OR3A2: variants seen among roughly 807,000 people sequenced by gnomAD.
The protein encoded by OR3A2 is olfactory receptor 3A2.
For synonymous variants in OR3A2, 126 were observed against 159.3 expected, an observed-to-expected ratio of 0.79 and a Z score of 1.57; for missense variants, 318 against 392.8, an observed-to-expected ratio of 0.81 and a Z score of 1.61.
chr17:3,306,679 C>CAAAAA (rs71153340), intron 3 of OR3A2, among the ~76,000 whole-genome samples: 1 of 109,304 alleles, frequency 9.1e-6, no homozygotes, highest in African/African-American at 4.2e-5. Context: ...TACTACTCTT[C>CAAAAA]AAAAAAAAAA....
chr17:3,326,713 T>C (rs479243), intron 3 of OR3A2, among the ~76,000 whole-genome samples: 64,207 of 95,874 alleles, frequency 0.67, 21,077 homozygotes, highest in East Asian at 1. Context: ...CTCCCCCCAC[T>C]CCACCACAGT....
In OR3A2 at chr17:3,302,122, T is replaced by A. The variant is rs1375978661; in HGVS notation, c.-84-22969A>T. 2.0e-5 allele frequency among the ~76,000 whole-genome samples: 3 copies of A among 152,176 alleles called. No homozygotes were observed. In the East Asian group the frequency reaches 5.8e-4, roughly 29 times the overall value. Reference sequence around the variant, plus strand: ...TACAAACAAATGGAAGAACATTCCATGCTCATGGATAGGAAGAATCAATAG... The same window carrying A: ...TACAAACAAATGGAAGAACATTCCAAGCTCATGGATAGGAAGAATCAATAG... On this transcript the variant is annotated intron_variant, in intron 3 of 4. Transcript: ENST00000573491.
At chr17:3,287,653 G>A (rs75435868), upstream of OR3A2, among the ~76,000 whole-genome samples, 247 of 152,114 alleles carry the variant, frequency 1.6e-3, 5 homozygotes, top group East Asian at 0.044. Context: ...TGGACATTAC[G>A]AATATTCAGT....
chr17:3,355,419 T>A (rs2049458003), intron 2 of OR3A2, among the ~76,000 whole-genome samples: 1 of 129,764 alleles, frequency 7.7e-6, no homozygotes, highest in Non-Finnish European at 1.6e-5. Context: ...ACTATTATCA[T>A]GTTGGCATTT....
chr17:3,285,003 G>A (rs529392919), upstream of OR3A2, among the ~76,000 whole-genome samples: 1 of 152,204 alleles, frequency 6.6e-6, no homozygotes, highest in South Asian at 2.1e-4. Context: ...CTCTCCTGGG[G>A]ACTTGTTAGT....
intron 2 of OR3A2, among the ~76,000 whole-genome samples, chr17:3,352,225 C>T (rs1421670523): frequency 6.6e-6 from 1 of 151,546 alleles, no homozygotes; most frequent in Non-Finnish European, 1.5e-5. Context: ...TTGTTGATTG[C>T]TTCCTCTGCT....
exon 2 of OR3A2, chr17:3,383,877 T>C (rs1430029061): frequency 1.3e-5 from 2 of 152,216 alleles, no homozygotes; most frequent in African/African-American, 4.8e-5. Context: ...CACCTCTGTT[T>C]TCATTCATTG....
intron 3 of OR3A2, among the ~76,000 whole-genome samples, chr17:3,297,479 G>C (rs1567546189): frequency 6.6e-6 from 1 of 151,686 alleles, no homozygotes; most frequent in East Asian, 1.9e-4. Flanking sequence ...AAATCCTTTG[G>C]CTCAATTAAA....
chr17:3,371,872 G>A (rs1165909943), intron 2 of OR3A2, among the ~76,000 whole-genome samples: 2 of 143,078 alleles, frequency 1.4e-5, no homozygotes, highest in African/African-American at 5.3e-5. Context: ...GGCCGGGAGG[G>A]GAGCTGACCC....
At chr17:3,379,606 G>A (rs911050395) in intron 2 of OR3A2, among the ~76,000 whole-genome samples, 1 of 152,278 alleles carries the variant, frequency 6.6e-6, no homozygotes, top group African/African-American at 2.4e-5. Flanking sequence ...GGAGCTCAGG[G>A]AAGGGCACCC....
chr17:3,329,130 T>C (rs1021320397), intron 3 of OR3A2, among the ~76,000 whole-genome samples: 3 of 151,878 alleles, frequency 2.0e-5, no homozygotes, highest in Non-Finnish European at 2.9e-5. Flanking sequence ...TTATTGAGGA[T>C]TTTTGCATCA....
At chr17:3,284,726 T>C (rs965189202), upstream of OR3A2, among the ~76,000 whole-genome samples, 44 of 143,600 alleles carry the variant, frequency 3.1e-4, 6 homozygotes, top group Non-Finnish European at 4.6e-4. Context: ...TCCGCTCTGC[T>C]TAATGTGGGT....
At chr17:3,359,978 T>C (rs2049496868) in intron 2 of OR3A2, among the ~76,000 whole-genome samples, 1 of 151,812 alleles carries the variant, frequency 6.6e-6, no homozygotes. Context: ...TAGTTTTAGA[T>C]CCCTGAGGAA....
chr17:3,376,296 A>G (rs1378434995), intron 2 of OR3A2, among the ~76,000 whole-genome samples: 3 of 152,228 alleles, frequency 2.0e-5, no homozygotes, highest in Non-Finnish European at 4.4e-5. Flanking sequence ...AGCTTGCCCT[A>G]CATTGGCCAG....
chr17:3,321,205 G>T (rs12939345), intron 3 of OR3A2, among the ~76,000 whole-genome samples: 2 of 149,868 alleles, frequency 1.3e-5, no homozygotes, highest in African/African-American at 2.5e-5. Flanking sequence ...TGTAAGAATG[G>T]GTGTGATTTT....
intron 2 of OR3A2, among the ~76,000 whole-genome samples, chr17:3,343,120 G>A (rs369387610): frequency 3.3e-5 from 5 of 152,300 alleles, no homozygotes; most frequent in African/African-American, 1.2e-4. Flanking sequence ...GAAAAGTGCA[G>A]TATCTAGGTT....
intron 3 of OR3A2, among the ~76,000 whole-genome samples, chr17:3,299,405 T>C (rs952164586): frequency 6.6e-6 from 1 of 152,118 alleles, no homozygotes; most frequent in Non-Finnish European, 1.5e-5. Context: ...GGCACTGGAA[T>C]TGCATCTTGG....
chr17:3,371,314 G>A (rs1473681318), intron 2 of OR3A2, among the ~76,000 whole-genome samples: 1 of 150,254 alleles, frequency 6.7e-6, no homozygotes, highest in Non-Finnish European at 1.5e-5. Flanking sequence ...TTCCCAGTAG[G>A]GGCGGCCGGG....
chr17:3,290,039 T>C (rs2048851097), intron 3 of OR3A2, among the ~76,000 whole-genome samples: 1 of 152,262 alleles, frequency 6.6e-6, no homozygotes, highest in African/African-American at 2.4e-5. Context: ...TCTCATCTAG[T>C]AAACCTTCTT....
Sources: allele counts gnomAD v4.1 joint callset (sites outside exome capture counted in the v4.1 genomes callset), GRCh38; gene constraint gnomAD v4.1.1; transcripts MANE v1.5; gene names NCBI Gene and HGNC (gene_info 2026-07-23, HGNC 2026-07-21).